Variants in CD244 observed in about 807,000 individuals in gnomAD.
CD244 encodes the protein natural killer cell receptor 2B4.
Under a neutral mutation model 45.5 loss-of-function variants are expected in CD244, and 20 were observed. The observed-to-expected ratio is 0.44, with a 90% CI of 0.31 to 0.64. The LOEUF is 0.64. Among genes scored for constraint, CD244 ranks in the 30% least tolerant of loss-of-function variants. CD244 has a pLI of 0.08. For synonymous variants in CD244, 185 were observed against 160.5 expected, an observed-to-expected ratio of 1.15 and a Z score of -1.15; for missense variants, 407 against 426.9, an observed-to-expected ratio of 0.95 and a Z score of 0.41.
intron 1 of CD244, chr1:160,848,399 A>G: frequency 1.8e-6 from 1 of 559,360 alleles, no homozygotes; most frequent in Non-Finnish European, 3.5e-6. Context: ...GGTATTTGGC[A>G]AGTTGAAAGG....
intron 4 of CD244, 104 bp from the exon 5 acceptor site, chr1:160,838,622 G>T: frequency 2.3e-6 from 2 of 852,806 alleles, no homozygotes; most frequent in South Asian, 1.4e-5. Context: ...CCTTAAAAAA[G>T]GTTCTAGAAA....
At chr1:160,849,359 T>G (rs1669844111) in intron 1 of CD244, among the ~76,000 whole-genome samples, 1 of 151,388 alleles carries the variant, frequency 6.6e-6, no homozygotes, top group South Asian at 2.1e-4. Flanking sequence ...TAGGTATACG[T>G]GTGCCATGGT....
rs1557835480 is a variant in CD244 at position 160,841,387 on chromosome 1, C to T, written c.478G>A (p.Val160Met). The T allele has an allele frequency of 6.2e-7, 1 of 1,614,198 alleles. No individual in the cohort carries two copies. The highest frequency in any genetic ancestry group is 1.1e-5 in the South Asian group (1 of 91,084). Reference sequence around the variant, plus strand: ...CTCCCTCTGTACCAAGCATAGGACACATTGCCATCCCTGGAGACCAAGCAA... The same window carrying T: ...CTCCCTCTGTACCAAGCATAGGACATATTGCCATCCCTGGAGACCAAGCAA... ...LSCLVSRDGNVSYAWYRGSKL... is the reference protein window; with the variant it reads ...LSCLVSRDGNMSYAWYRGSKL... The change falls in exon 3 of 9, where the codon GTG (valine) becomes ATG (methionine). Residue 160 changes from valine to methionine, a missense_variant. Coordinates refer to ENST00000368034, the MANE Select transcript of CD244 (RefSeq NM_016382.4).
At chr1:160,832,746 G>C (rs763708319) in intron 7 of CD244, 171 bp from the exon 8 acceptor site, 2 of 1,394,356 alleles carry the variant, frequency 1.4e-6, no homozygotes, top group South Asian at 1.2e-5. Context: ...GGTGTTTATG[G>C]TCTCCAGGGA....
At chr1:160,843,049 C>T (rs1669603032) in intron 1 of CD244, among the ~76,000 whole-genome samples, 1 of 152,120 alleles carries the variant, frequency 6.6e-6, no homozygotes, top group Non-Finnish European at 1.5e-5. Flanking sequence ...AAGAAGAGAG[C>T]AATTGAGACA....
intron 5 of CD244, among the ~76,000 whole-genome samples, chr1:160,837,745 T>A (rs1669384276): frequency 6.6e-6 from 1 of 152,248 alleles, no homozygotes; most frequent in Non-Finnish European, 1.5e-5. Flanking sequence ...CTGCCAGCAG[T>A]TTGGTAGGCT....
At chr1:160,855,343 T>C (rs1051416552) in intron 1 of CD244, among the ~76,000 whole-genome samples, 4 of 152,136 alleles carry the variant, frequency 2.6e-5, no homozygotes, top group Non-Finnish European at 5.9e-5. Context: ...TGCTCTTTGT[T>C]GCTGAATTTT....
At chr1:160,861,258 G>C (rs4656942) in intron 1 of CD244, among the ~76,000 whole-genome samples, 1 of 152,054 alleles carries the variant, frequency 6.6e-6, no homozygotes, top group Non-Finnish European at 1.5e-5. Flanking sequence ...CCTGCTCCCT[G>C]TTCCTCATCA....
intron 7 of CD244, chr1:160,832,856 A>ATG (rs1553194331): frequency 6.1e-4 from 192 of 313,420 alleles, no homozygotes; most frequent in African/African-American, 2.8e-3. Flanking sequence ...CCATACACAT[A>ATG]TGTGTGTGTG....
At chr1:160,845,570 G>A (rs2779790) in intron 1 of CD244, among the ~76,000 whole-genome samples, 58,120 of 152,008 alleles carry the variant, frequency 0.38, 11,691 homozygotes, top group East Asian at 0.54. Flanking sequence ...AAAACAAACC[G>A]ACAAGCTGGG....
At chr1:160,843,765 G>A (rs1669628777) in intron 1 of CD244, among the ~76,000 whole-genome samples, 1 of 152,136 alleles carries the variant, frequency 6.6e-6, no homozygotes, top group East Asian at 1.9e-4. Context: ...AAAATTATGG[G>A]GCCAATATCT....
chr1:160,856,844 C>T lies in CD244; in HGVS notation c.61+5773G>A, dbSNP rs1670125629. Reference sequence around the variant, plus strand: ...GTATTACAGCAAACTAAAAAAAAATCATGTACAGTAAAGGAAACAATTCAC... The same window carrying T: ...GTATTACAGCAAACTAAAAAAAAATTATGTACAGTAAAGGAAACAATTCAC... On this transcript the variant is annotated intron_variant, in intron 1 of 8. Transcript: ENST00000368034. Among the ~76,000 whole-genome samples the T allele has an allele frequency of 2.0e-5, 3 of 151,938 alleles. No homozygotes were observed. The South Asian group carries it at 6.2e-4, about 32-fold the overall frequency.
At chr1:160,847,557 A>T (rs1228112801) in intron 1 of CD244, among the ~76,000 whole-genome samples, 1 of 152,164 alleles carries the variant, frequency 6.6e-6, no homozygotes, top group African/African-American at 2.4e-5. Flanking sequence ...AATAACCAGA[A>T]AATCTCTGAA....
chr1:160,848,885 A>G (rs544538272), intron 1 of CD244, among the ~76,000 whole-genome samples: 1 of 152,082 alleles, frequency 6.6e-6, no homozygotes, highest in Non-Finnish European at 1.5e-5. Context: ...AGCAAACATA[A>G]ATGTTTCCCT....
chr1:160,840,384 C>T (rs927777619), intron 3 of CD244, among the ~76,000 whole-genome samples: 4 of 152,096 alleles, frequency 2.6e-5, no homozygotes, highest in African/African-American at 9.7e-5. Context: ...GCCTCAGCCT[C>T]CTGAGTAGCT....
In CD244 at chr1:160,830,284, A is replaced by G. The variant is rs958280045; in HGVS notation, c.*1063T>C. 10 of 152,394 alleles carry G rather than the reference A, an allele frequency of 6.6e-5. No individual in the cohort carries two copies. The highest frequency in any genetic ancestry group is 2.4e-4 in the African/African-American group (10 of 41,460). The allele number at this position is 152,394 out of a possible 1,614,324, so 9.4% of individuals were successfully genotyped here. A position where few individuals can be genotyped will look rare whatever the true frequency, so the allele number is the denominator to read the frequency against. On this transcript the variant is annotated 3_prime_UTR_variant, in exon 9 of 9. Coordinates refer to ENST00000368034, the MANE Select transcript of CD244 (RefSeq NM_016382.4). ...AAAATTGAAGAACCAGGCTTTGTGC[A>G]GTATCACCTGTTGGGGTCTCTGAGT... is the stretch of plus-strand genomic sequence containing the variant.
chr1:160,839,109 C>A (rs1669443704), intron 3 of CD244, 60 bp from the exon 4 acceptor site: 1 of 1,278,710 alleles, frequency 7.8e-7, no homozygotes, highest in Non-Finnish European at 1.1e-6. Flanking sequence ...TTCCTTCCCA[C>A]CTGCCTGCTG....
chr1:160,834,702 C>T (rs559685248), intron 6 of CD244, among the ~76,000 whole-genome samples: 58 of 152,292 alleles, frequency 3.8e-4, no homozygotes, highest in African/African-American at 1.3e-3. Context: ...TCATAATTTG[C>T]CCCATGCCAC....
chr1:160,836,210 A>G lies in CD244; in HGVS notation c.879T>C (p.Ser293=). 6.2e-7 allele frequency: 1 copy of G among 1,613,814 alleles called. No individual in the cohort carries two copies. Among genetic ancestry groups the G allele is most frequent in the Admixed American group, 1.7e-5 (1 of 60,020 alleles). Reference sequence around the variant, plus strand: ...GGAGAGGTACCTGGGACTGGATCATAGAGTAGATGGTGCTCCCCCCTCCAG... The same window carrying G: ...GGAGAGGTACCTGGGACTGGATCATGGAGTAGATGGTGCTCCCCCCTCCAG... ...TFPGGGSTIY[S]MIQSQSSAPT... Residue 293 remains serine, a synonymous_variant, in exon 6 of 9, where the codon TCT becomes TCC. Coordinates refer to ENST00000368034, the MANE Select transcript of CD244 (RefSeq NM_016382.4).
Sources: allele counts gnomAD v4.1 joint callset (sites outside exome capture counted in the v4.1 genomes callset), GRCh38; gene constraint gnomAD v4.1.1; transcripts MANE v1.5; gene names NCBI Gene and HGNC (gene_info 2026-07-23, HGNC 2026-07-21).